CR1: variants seen among roughly 807,000 people sequenced by gnomAD.
CR1 encodes the protein complement receptor type 1.
CR1 carries 116 observed loss-of-function variants against 187.3 expected under a neutral mutation model. The observed-to-expected ratio is 0.62, with a 90% confidence interval of 0.53 to 0.72. CR1 has a LOEUF of 0.72. CR1 is among the 30% of genes least tolerant of loss of function. CR1 has a pLI of 0.00. For synonymous variants in CR1, 576 were observed against 747.1 expected (o/e 0.77, Z 3.73); for missense variants, 1,731 against 2,110.7 (o/e 0.82, Z 3.52).
intron 1 of CR1, among the ~76,000 whole-genome samples, chr1:207,498,295 A>G (rs1480873607): frequency 6.6e-6 from 1 of 152,240 alleles, no homozygotes; most frequent in African/African-American, 2.4e-5. Context: ...CTCAACTCCT[A>G]TGATCAGGAA....
intron 31 of CR1, among the ~76,000 whole-genome samples, chr1:207,581,055 A>G (rs1660920487): frequency 1.3e-5 from 2 of 152,168 alleles, no homozygotes; most frequent in African/African-American, 4.8e-5. Context: ...CCAGTAAGGC[A>G]CAAAGGAAAA....
Position 207,621,993 on chromosome 1 carries a change from G to T in CR1, c.7273G>T (p.Val2425Phe). The T allele has an allele frequency of 6.3e-7, 1 of 1,597,220 alleles. No homozygotes were observed. The highest frequency in any genetic ancestry group is 8.5e-7 in the Non-Finnish European group (1 of 1,170,272). ...TTTAGGTACACATGATGCTCTCATA[G>T]TTGGTAAGTTTTATGAAAGTTTTGC... Reference protein sequence around the residue: ...CTSRTHDALIVGTLSGTIFFI... With the variant: ...CTSRTHDALIFGTLSGTIFFI... Residue 2425 changes from valine (V) to phenylalanine (F), a missense_variant, in exon 44 of 47, where the codon GTT becomes TTT. Physicochemically the swap from Val to Phe is conservative, Grantham distance 50. Coordinates refer to ENST00000367049, the MANE Select transcript of CR1 (RefSeq NM_000651.6).
At chr1:207,566,022 C>A in intron 24 of CR1, 99 bp downstream of exon 24, 1 of 1,461,114 alleles carries the variant, frequency 6.8e-7, no homozygotes, top group Non-Finnish European at 9.4e-7. Flanking sequence ...ATATTCTAGT[C>A]TTAATTATCG....
intron 35 of CR1, among the ~76,000 whole-genome samples, chr1:207,590,450 C>T (rs913858547): frequency 6.6e-6 from 1 of 152,106 alleles, no homozygotes; most frequent in Non-Finnish European, 1.5e-5. Flanking sequence ...TACAAGGGCT[C>T]CTGAAGGAAG....
At chr1:207,507,031 A>G (rs1263026895) in intron 3 of CR1, 7 of 469,406 alleles carry the variant, frequency 1.5e-5, no homozygotes, top group Non-Finnish European at 2.3e-5. Context: ...GGCAGAGCAT[A>G]TATGAAAAGT....
In CR1 at chr1:207,575,598, C is replaced by T. The variant is rs747792543; in HGVS notation, c.4455C>T (p.His1485=). The T allele has an allele frequency of 1.2e-6, 2 of 1,611,724 alleles. No individual in the cohort carries two copies. The highest frequency in any genetic ancestry group is 1.3e-5 in the African/African-American group (1 of 74,862). The change falls in exon 28 of 47, where the codon CAC becomes CAT. Residue 1485 remains histidine, a synonymous_variant. Coordinates refer to ENST00000367049, the MANE Select transcript of CR1 (RefSeq NM_000651.6). ...SRINYSCTTG[H]RLIGHSSAEC... ...ATTTTCCATTTTTTGCCTTTAGGCA[C>T]CGACTCATTGGTCACTCATCTGCTG...
At chr1:207,581,377 T>TAAAC (rs1401527559) in intron 31 of CR1, among the ~76,000 whole-genome samples, 1 of 133,102 alleles carries the variant, frequency 7.5e-6, no homozygotes, top group African/African-American at 4.0e-5. Context: ...TACGTATATG[T>TAAAC]ATACATATGT....
At chr1:207,503,340 A>G (rs1659332412) in intron 1 of CR1, among the ~76,000 whole-genome samples, 2 of 152,152 alleles carry the variant, frequency 1.3e-5, no homozygotes, top group East Asian at 3.9e-4. Flanking sequence ...TTTTGTATTA[A>G]TTTCCTATTG....
chr1:207,521,101 C>G (rs1201968021), intron 4 of CR1, among the ~76,000 whole-genome samples: 1 of 151,214 alleles, frequency 6.6e-6, no homozygotes, highest in East Asian at 2.0e-4. Flanking sequence ...TTCAGCCTTC[C>G]AAGTAGCTGC....
chr1:207,568,079 G>C (rs760657745), intron 25 of CR1, 37 bp downstream of exon 25: 2 of 1,610,698 alleles, frequency 1.2e-6, no homozygotes, highest in East Asian at 4.5e-5. Context: ...AATGGGTTCA[G>C]AATATCTAAC....
intron 1 of CR1, among the ~76,000 whole-genome samples, chr1:207,497,879 A>G (rs990510088): frequency 2.6e-5 from 4 of 152,256 alleles, no homozygotes; most frequent in Non-Finnish European, 4.4e-5. Flanking sequence ...TTTGTTGCTG[A>G]CATAATTTAA....
At position 207,508,479 on chromosome 1, in the gene CR1, T is replaced by C. The variant is rs539352706; in HGVS notation, c.401+1666T>C. Among the ~76,000 whole-genome samples the C allele has an allele frequency of 2.0e-5, 3 of 152,356 alleles. No homozygotes were observed. The East Asian group carries it at 5.8e-4, about 29-fold the overall frequency. ...GTGCTAAAACACAAAGTCTATTTTTTAAAACTGCATAGACATAAATACATG... is the reference window on the plus strand; with the variant it reads ...GTGCTAAAACACAAAGTCTATTTTTCAAAACTGCATAGACATAAATACATG... On this transcript the variant is annotated intron_variant, in intron 3 of 46. Coordinates refer to ENST00000367049, the MANE Select transcript of CR1 (RefSeq NM_000651.6).
chr1:207,514,437 T>A (rs1168441604), intron 4 of CR1, among the ~76,000 whole-genome samples: 1 of 152,122 alleles, frequency 6.6e-6, no homozygotes, highest in Admixed American at 6.5e-5. Context: ...CTTTGAAAGA[T>A]GATTAGGGCA....
intron 33 of CR1, among the ~76,000 whole-genome samples, chr1:207,585,925 C>T (rs570461916): frequency 1.1e-3 from 163 of 152,092 alleles, no homozygotes; most frequent in Non-Finnish European, 1.1e-3. Context: ...TTGTTTGAGG[C>T]CAGGAGTTCA....
intron 1 of CR1, among the ~76,000 whole-genome samples, chr1:207,504,446 A>T (rs1017997470): frequency 2.6e-5 from 4 of 152,188 alleles, no homozygotes; most frequent in Admixed American, 2.6e-4. Context: ...AAAGATGGAC[A>T]ACATTATAAA....
chr1:207,632,189 T>C (rs1048476642), intron 46 of CR1, among the ~76,000 whole-genome samples: 5 of 152,236 alleles, frequency 3.3e-5, no homozygotes, highest in African/African-American at 9.6e-5. Context: ...TTACTGTTTA[T>C]GAAAACAAAT....
Position 207,505,909 on chromosome 1 carries a change from T to C in CR1, c.127T>C (p.Cys43Arg). Residue 43 changes from cysteine to arginine, a missense_variant, in exon 2 of 47, where the codon TGC becomes CGC. Transcript: ENST00000367049. ...LLALPVAWGQ[C>R]NAPEWLPFAR... Reference sequence around the variant, plus strand: ...TCTATGGTCTTGATCTCCAGGTCAATGCAATGCCCCAGAATGGCTTCCATT... The same window carrying C: ...TCTATGGTCTTGATCTCCAGGTCAACGCAATGCCCCAGAATGGCTTCCATT... 1.2e-6 allele frequency: 2 copies of C among 1,613,442 alleles called. No individual in the cohort carries two copies. The highest frequency in any genetic ancestry group is 1.7e-6 in the Non-Finnish European group (2 of 1,179,604).
intron 5 of CR1, among the ~76,000 whole-genome samples, chr1:207,524,478 G>A (rs1160652984): frequency 6.6e-6 from 1 of 151,886 alleles, no homozygotes; most frequent in African/African-American, 2.4e-5. Context: ...CCGCCTCTCT[G>A]GCTCAAGCAA....
intron 46 of CR1, among the ~76,000 whole-genome samples, chr1:207,636,720 A>G (rs1242500998): frequency 1.3e-5 from 2 of 152,268 alleles, no homozygotes; most frequent in African/African-American, 4.8e-5. Flanking sequence ...TAATTAAAGT[A>G]AAAATGAATC....
Sources: allele counts gnomAD v4.1 joint callset (sites outside exome capture counted in the v4.1 genomes callset), GRCh38; gene constraint gnomAD v4.1.1; transcripts MANE v1.5; gene names NCBI Gene and HGNC (gene_info 2026-07-23, HGNC 2026-07-21).